Variants in PHLDB2 observed in about 807,000 individuals in gnomAD.
The protein encoded by PHLDB2 is pleckstrin homology like domain family B member 2.
In PHLDB2, 71 loss-of-function variants were observed where a neutral mutation model predicts 123.6. The ratio of observed to expected loss-of-function variants is 0.57; its 90% CI spans 0.47 to 0.70. The LOEUF is 0.70. Among genes scored for constraint, PHLDB2 ranks in the 30% least tolerant of loss-of-function variants. PHLDB2 has a pLI of 0.00. For synonymous variants in PHLDB2, 547 were observed against 541.6 expected, an observed-to-expected ratio of 1.01 and a Z score of -0.14; for missense variants, 1,446 against 1,519.5, an observed-to-expected ratio of 0.95 and a Z score of 0.80.
chr3:111,821,802 G>A (rs1180551080), intron 1 of PHLDB2, among the ~76,000 whole-genome samples: 2 of 152,120 alleles, frequency 1.3e-5, no homozygotes, highest in African/African-American at 2.4e-5. Context: ...AAAATAAGAC[G>A]TTGTTTGCCA....
intron 1 of PHLDB2, among the ~76,000 whole-genome samples, chr3:111,735,985 C>G (rs139186169): frequency 6.6e-6 from 1 of 152,284 alleles, no homozygotes; most frequent in East Asian, 1.9e-4. Flanking sequence ...AAAAAAAGTT[C>G]TTTCTAAATT....
intron 2 of PHLDB2, among the ~76,000 whole-genome samples, chr3:111,848,993 A>T (rs1407207060): frequency 1.3e-5 from 2 of 152,194 alleles, no homozygotes; most frequent in African/African-American, 4.8e-5. Context: ...TGACAAAATT[A>T]CCTAACAATG....
chr3:111,954,155 T>TA, intron 12 of PHLDB2, 126 bp downstream of exon 12: 1 of 732,322 alleles, frequency 1.4e-6, no homozygotes, highest in Middle Eastern at 2.5e-4. Context: ...ATTTTACTCT[T>TA]AATGTGTTCT....
At chr3:111,947,196 T>C (rs2107620167) in intron 9 of PHLDB2, among the ~76,000 whole-genome samples, 1 of 152,366 alleles carries the variant, frequency 6.6e-6, no homozygotes, top group East Asian at 1.9e-4. Context: ...GGATGGGCTC[T>C]AAAGTCTTTT....
intron 16 of PHLDB2, among the ~76,000 whole-genome samples, chr3:111,971,982 C>A (rs1247167960): frequency 6.6e-6 from 1 of 152,170 alleles, no homozygotes; most frequent in East Asian, 1.9e-4. Context: ...GTTATCTCAT[C>A]AATTTACAAT....
At chr3:111,889,892 T>A (rs1423113911) in intron 2 of PHLDB2, among the ~76,000 whole-genome samples, 2 of 152,080 alleles carry the variant, frequency 1.3e-5, no homozygotes, top group African/African-American at 4.8e-5. Context: ...CTACAAACAG[T>A]GTTCCCCACC....
intron 17 of PHLDB2, 71 bp from the exon 18 acceptor site, chr3:111,974,352 C>T: frequency 7.4e-7 from 1 of 1,354,854 alleles, no homozygotes; most frequent in Non-Finnish European, 9.8e-7. Flanking sequence ...GAAGTCATCA[C>T]ATGTCTGTGT....
At chr3:111,758,297 C>T (rs2059933122) in intron 1 of PHLDB2, among the ~76,000 whole-genome samples, 1 of 152,226 alleles carries the variant, frequency 6.6e-6, no homozygotes, top group Non-Finnish European at 1.5e-5. Flanking sequence ...CCTAAGCAAC[C>T]CTGGGCAATG....
chr3:111,876,488 T>C (rs1218813565), intron 1 of PHLDB2, among the ~76,000 whole-genome samples: 1 of 152,224 alleles, frequency 6.6e-6, no homozygotes, highest in Non-Finnish European at 1.5e-5. Flanking sequence ...ATATTTTATA[T>C]GTATGATATA....
At chr3:111,822,317 G>GTGTGTGTGTGTGTGTGTGTGTATA (rs1553734228) in intron 1 of PHLDB2, among the ~76,000 whole-genome samples, 3,026 of 147,554 alleles carry the variant, frequency 0.021, 115 homozygotes, top group African/African-American at 0.072. Context: ...GTGTGTGTGT[G>GTGTGTGTGTGTGTGTGTGTGTATA]TATATATATA....
chr3:111,861,501 C>T (rs2064834604), intron 1 of PHLDB2, among the ~76,000 whole-genome samples: 1 of 152,138 alleles, frequency 6.6e-6, no homozygotes, highest in South Asian at 2.1e-4. Context: ...CAGATCTCAG[C>T]CTGTCAGAAG....
chr3:111,753,718 C>T (rs2059828615), intron 1 of PHLDB2, among the ~76,000 whole-genome samples: 1 of 152,106 alleles, frequency 6.6e-6, no homozygotes, highest in African/African-American at 2.4e-5. Context: ...ATATGAAGTC[C>T]TTGCCCATGC....
At chr3:111,905,601 C>A (rs1030975177) in intron 2 of PHLDB2, among the ~76,000 whole-genome samples, 1 of 152,162 alleles carries the variant, frequency 6.6e-6, no homozygotes, top group African/African-American at 2.4e-5. Context: ...AAGTGATCCA[C>A]CGCCTTGGTC....
At chr3:111,889,142 A>G (rs921597954) in intron 2 of PHLDB2, among the ~76,000 whole-genome samples, 3 of 152,206 alleles carry the variant, frequency 2.0e-5, no homozygotes, top group African/African-American at 7.2e-5. Context: ...GCAAACTAAT[A>G]TAAGACAGTT....
chr3:111,733,866 T>C (rs1941591051), intron 1 of PHLDB2, among the ~76,000 whole-genome samples: 1 of 152,246 alleles, frequency 6.6e-6, no homozygotes, highest in African/African-American at 2.4e-5. Flanking sequence ...TCCTGGCTCC[T>C]ATAGTCATTA....
At chr3:111,859,739 G>A (rs1360479931) in intron 1 of PHLDB2, 163 bp downstream of exon 1, 9 of 985,392 alleles carry the variant, frequency 9.1e-6, no homozygotes, top group South Asian at 9.4e-5. Flanking sequence ...CCCGGGCCGA[G>A]GAGGGGCGCG....
At chr3:111,816,256 G>C (rs1313960631) in intron 1 of PHLDB2, among the ~76,000 whole-genome samples, 1 of 152,150 alleles carries the variant, frequency 6.6e-6, no homozygotes, top group Non-Finnish European at 1.5e-5. Flanking sequence ...TGTGAGAAGA[G>C]GGCTACCATC....
At chr3:111,944,829 C>G (rs113499858) in intron 8 of PHLDB2, among the ~76,000 whole-genome samples, 1 of 151,970 alleles carries the variant, frequency 6.6e-6, no homozygotes, top group East Asian at 1.9e-4. Flanking sequence ...CCTGCCACCA[C>G]GCCTGGCTAA....
chr3:111,952,550 T>C (rs2070780661), intron 10 of PHLDB2, 22 bp from the exon 11 acceptor site: 3 of 1,600,214 alleles, frequency 1.9e-6, no homozygotes, highest in Admixed American at 1.8e-5. Context: ...TTTGCTATTT[T>C]GCTTTGCATT....
Sources: gnomAD v4.1 joint callset for allele counts (sites outside exome capture counted in the v4.1 genomes callset) on GRCh38, gnomAD v4.1.1 for gene constraint, MANE v1.5 for transcripts, NCBI Gene and HGNC (gene_info 2026-07-23, HGNC 2026-07-21) for gene names.